The following HAVCR1 variants were observed in gnomAD, a reference collection of about 807,000 sequenced individuals.
HAVCR1 encodes the protein hepatitis A virus cellular receptor 1, also known as T cell immunoglobin domain and mucin domain protein 1.
In HAVCR1, 34 loss-of-function variants were observed where a neutral mutation model predicts 32.0. That is an observed-to-expected ratio of 1.06 (90% confidence interval 0.81 to 1.42). The LOEUF (loss-of-function observed/expected upper bound fraction) is 1.42. Among genes scored for constraint, HAVCR1 ranks in the 40% most tolerant of loss-of-function variants. The pLI is 0.00. For synonymous variants in HAVCR1, 178 were observed against 170.3 expected, an observed-to-expected ratio of 1.05 and a Z score of -0.35; for missense variants, 420 against 442.3, an observed-to-expected ratio of 0.95 and a Z score of 0.45.
At chr5:157,037,842 C>A (rs189418788) in intron 6 of HAVCR1, among the ~76,000 whole-genome samples, 1 of 151,972 alleles carries the variant, frequency 6.6e-6, no homozygotes, top group Non-Finnish European at 1.5e-5. Context: ...GGTGAAACCC[C>A]ATCTCTACTA....
chr5:157,035,240 G>A (rs983620103), intron 7 of HAVCR1, among the ~76,000 whole-genome samples: 2 of 151,836 alleles, frequency 1.3e-5, no homozygotes, highest in African/African-American at 4.8e-5. Flanking sequence ...TTCCCTGCAA[G>A]GTATTTTACC....
intron 7 of HAVCR1, among the ~76,000 whole-genome samples, chr5:157,036,954 G>C (rs964416305): frequency 6.6e-5 from 10 of 151,960 alleles, no homozygotes; most frequent in African/African-American, 2.2e-4. Flanking sequence ...TTGAACTCCT[G>C]GGCTCAAGCA....
chr5:157,068,346 G>A, the HAVCR1 span, among the ~76,000 whole-genome samples: 1 of 152,090 alleles, frequency 6.6e-6, no homozygotes, highest in Non-Finnish European at 1.5e-5. Context: ...CCCTTTGGGA[G>A]GCCGATGCAA....
chr5:157,062,670 C>T (rs1235975523), upstream of HAVCR1, among the ~76,000 whole-genome samples: 1 of 152,138 alleles, frequency 6.6e-6, no homozygotes, highest in African/African-American at 2.4e-5. Context: ...TGTCTTCCTA[C>T]CTTTCAGTTC....
upstream of HAVCR1, among the ~76,000 whole-genome samples, chr5:157,060,269 T>C (rs911874360): frequency 6.6e-6 from 1 of 152,020 alleles, no homozygotes; most frequent in Non-Finnish European, 1.5e-5. Flanking sequence ...CTCAAATTAC[T>C]GAAGCCCTGG....
At chr5:157,048,844 AACAC>A (rs57620461) in intron 5 of HAVCR1, among the ~76,000 whole-genome samples, 190 bp downstream of exon 5, 7 of 149,908 alleles carry the variant, frequency 4.7e-5, no homozygotes, top group Non-Finnish European at 8.9e-5. Flanking sequence ...AAAAAAAGAA[AACAC>A]ACACACACAC....
rs200455416 is a variant in HAVCR1, at chr5:157,058,008, T to C, written c.-12-53A>G. On this transcript the variant is annotated intron_variant, in intron 1 of 8. Transcript: ENST00000523175. ...TTGGTACCCTCCACCAGATGGTATCTGATCAAGTCTTAAATCTCAGATTGC... is the reference window on the plus strand; with the variant it reads ...TTGGTACCCTCCACCAGATGGTATCCGATCAAGTCTTAAATCTCAGATTGC... 1.0e-3 allele frequency: 1,246 copies of C among 1,223,044 alleles called. 25 individuals are homozygous for C. In the South Asian group the frequency reaches 0.014, roughly 14 times the overall value. 75.8% of individuals were successfully genotyped at this position (1,223,044 alleles called of 1,614,324 possible). A position where few individuals can be genotyped will look rare whatever the true frequency, so the allele number is the denominator to read the frequency against.
At chr5:157,030,279 T>C (rs1754094854) in intron 8 of HAVCR1, among the ~76,000 whole-genome samples, 1 of 152,232 alleles carries the variant, frequency 6.6e-6, no homozygotes, top group Non-Finnish European at 1.5e-5. Flanking sequence ...CTTAGCCATC[T>C]ACATCCTATA....
chr5:157,031,646 C>G (rs888605143), intron 8 of HAVCR1, among the ~76,000 whole-genome samples: 1 of 151,898 alleles, frequency 6.6e-6, no homozygotes, highest in African/African-American at 2.4e-5. Flanking sequence ...ATGGCAGAAC[C>G]CCGTCTCTAT....
chr5:157,054,372 T>C (rs1979870), intron 3 of HAVCR1, among the ~76,000 whole-genome samples: 131,906 of 151,788 alleles, frequency 0.87, 57,398 homozygotes, highest in East Asian at 0.99. Context: ...GGTATGGTGG[T>C]GCCTGCCTAT....
intron 3 of HAVCR1, among the ~76,000 whole-genome samples, chr5:157,053,640 CG>C (rs1755911380): frequency 6.6e-6 from 1 of 152,076 alleles, no homozygotes; most frequent in Admixed American, 6.6e-5. Context: ...GAGGCCGAGG[CG>C]GGTAGACTGC....
chr5:157,051,204 A>G (rs889773519), intron 4 of HAVCR1, among the ~76,000 whole-genome samples: 3 of 152,232 alleles, frequency 2.0e-5, no homozygotes, highest in Admixed American at 6.5e-5. Flanking sequence ...ACTGAAAAAA[A>G]TAAACTGTAC....
intron 5 of HAVCR1, among the ~76,000 whole-genome samples, chr5:157,048,435 T>A (rs1755536213): frequency 6.6e-6 from 1 of 152,236 alleles, no homozygotes; most frequent in Non-Finnish European, 1.5e-5. Flanking sequence ...TAATAGCTGC[T>A]ATTATATTTA....
intron 4 of HAVCR1, among the ~76,000 whole-genome samples, chr5:157,051,970 A>G (rs1000106982): frequency 2.6e-5 from 4 of 152,238 alleles, no homozygotes; most frequent in Admixed American, 2.6e-4. Flanking sequence ...ATCTCTCTTC[A>G]GAGCTCTTCG....
chr5:157,047,879 C>T lies in HAVCR1; in HGVS notation c.781+1159G>A, dbSNP rs185123947. On this transcript the variant is annotated intron_variant, in intron 5 of 8. Coordinates refer to ENST00000523175, the MANE Select transcript of HAVCR1 (RefSeq NM_001173393.3). ...GTGTGTGTGGTGGGGTTGGGAGGGGCAGTCTTGGGGACTGAGCCCCTTACC... is the reference window on the plus strand; with the variant it reads ...GTGTGTGTGGTGGGGTTGGGAGGGGTAGTCTTGGGGACTGAGCCCCTTACC... 1.7e-3 allele frequency among the ~76,000 whole-genome samples: 263 copies of T among 152,202 alleles called. 2 individuals are homozygous for T. Among genetic ancestry groups the T allele is most frequent in the Non-Finnish European group, 2.0e-3 (139 of 68,020 alleles).
At chr5:157,056,714 A>G (rs752060516) in intron 2 of HAVCR1, among the ~76,000 whole-genome samples, 14 of 152,054 alleles carry the variant, frequency 9.2e-5, no homozygotes, top group African/African-American at 2.4e-5. Context: ...GCCTAATACT[A>G]GTATCATTTT....
intron 7 of HAVCR1, 107 bp from the exon 8 acceptor site, chr5:157,032,994 A>T (rs1754265490): frequency 1.4e-6 from 1 of 717,832 alleles, no homozygotes; most frequent in Admixed American, 2.9e-5. Flanking sequence ...TATTACTTAG[A>T]TTTTTCCCTG....
the HAVCR1 span, among the ~76,000 whole-genome samples, chr5:157,064,293 G>T: frequency 6.9e-6 from 1 of 144,994 alleles, no homozygotes; most frequent in East Asian, 2.0e-4. Context: ...CGGGAGGACT[G>T]CTTGAGCCCA....
intron 3 of HAVCR1, among the ~76,000 whole-genome samples, chr5:157,054,942 G>T (rs940780357): frequency 1.3e-5 from 2 of 152,030 alleles, no homozygotes; most frequent in Non-Finnish European, 2.9e-5. Context: ...GTATCAAGGG[G>T]GTCCTGGAAA....
Sources: gnomAD v4.1 joint callset for allele counts (sites outside exome capture counted in the v4.1 genomes callset) on GRCh38, gnomAD v4.1.1 for gene constraint, MANE v1.5 for transcripts, NCBI Gene and HGNC (gene_info 2026-07-23, HGNC 2026-07-21) for gene names.